Variants in ANO10 observed in about 807,000 individuals in gnomAD.
ANO10 encodes the protein anoctamin-10.
A neutral mutation model predicts 74.7 loss-of-function variants in ANO10; 77 were observed. That is an observed-to-expected ratio of 1.03 (90% CI 0.86 to 1.25). The LOEUF (loss-of-function observed/expected upper bound fraction) is 1.25, where lower values mean the gene tolerates loss of function less well. Among genes scored for constraint, ANO10 ranks in the 50% most tolerant of loss-of-function variants. The pLI is 0.00. For missense variants in ANO10, 721 were observed against 778.1 expected, an observed-to-expected ratio of 0.93 and a Z score of 0.87; for synonymous variants, 279 against 284.9, an observed-to-expected ratio of 0.98 and a Z score of 0.21.
chr3:43,613,672 AT>A (rs1479166690), intron 1 of ANO10, among the ~76,000 whole-genome samples: 4 of 152,308 alleles, frequency 2.6e-5, no homozygotes, highest in African/African-American at 7.2e-5. Context: ...ATTTTTCATA[AT>A]AAAAAGCTGG....
intron 12 of ANO10, chr3:43,372,938 A>G: frequency 1.6e-6 from 2 of 1,258,572 alleles, no homozygotes; most frequent in East Asian, 5.1e-5. Context: ...CATGCGTATG[A>G]AAGAGAAAAG....
chr3:43,595,881 A>G (rs1276528018), intron 4 of ANO10, among the ~76,000 whole-genome samples: 2 of 152,170 alleles, frequency 1.3e-5, no homozygotes, highest in Admixed American at 1.3e-4. Flanking sequence ...TCAGCCAAAA[A>G]TCTCCTTAAG....
chr3:43,656,161 G>A (rs1015973837), intron 1 of ANO10, among the ~76,000 whole-genome samples: 3 of 150,550 alleles, frequency 2.0e-5, no homozygotes, highest in Non-Finnish European at 4.4e-5. Flanking sequence ...AGACATAAAG[G>A]TTCTTCACCT....
At position 43,590,926 on chromosome 3, in the gene ANO10, C is replaced by T. The variant is rs144737306; in HGVS notation, c.472+7606G>A. 9.4e-3 allele frequency among the ~76,000 whole-genome samples: 1,427 copies of T among 152,260 alleles called. 20 individuals carry two copies. The highest frequency in any genetic ancestry group is 0.031 in the African/African-American group (1,301 of 41,542). On this transcript the variant is annotated intron_variant, in intron 4 of 12. Coordinates refer to ENST00000292246, the MANE Select transcript of ANO10 (RefSeq NM_018075.5). ...CTTGTAACTCAACTCACACCCAACCCATCAGTTAGTAAAGAGGGCTCACTA... is the reference window on the plus strand; with the variant it reads ...CTTGTAACTCAACTCACACCCAACCTATCAGTTAGTAAAGAGGGCTCACTA...
chr3:43,666,935 C>T (rs1383672183), intron 1 of ANO10, among the ~76,000 whole-genome samples: 1 of 151,950 alleles, frequency 6.6e-6, no homozygotes, highest in East Asian at 1.9e-4. Flanking sequence ...CATGGTATAT[C>T]TTTCTCCATC....
chr3:43,579,302 T>TA (rs1362276675), intron 5 of ANO10, among the ~76,000 whole-genome samples: 1 of 152,202 alleles, frequency 6.6e-6, no homozygotes. Context: ...CCTCAAAAGA[T>TA]GTTTGGCCTG....
At chr3:43,487,128 C>A (rs1313769772) in intron 11 of ANO10, among the ~76,000 whole-genome samples, 1 of 148,900 alleles carries the variant, frequency 6.7e-6, no homozygotes, top group Admixed American at 6.7e-5. Flanking sequence ...GTATATTGAA[C>A]CAGCCTTGCA....
At chr3:43,507,949 A>G (rs952975321) in intron 11 of ANO10, among the ~76,000 whole-genome samples, 3 of 152,208 alleles carry the variant, frequency 2.0e-5, no homozygotes, top group Non-Finnish European at 2.9e-5. Flanking sequence ...TGTAAAAGGC[A>G]AGAGAAAAAT....
intron 1 of ANO10, among the ~76,000 whole-genome samples, chr3:43,682,794 A>T (rs868726731): frequency 1.3e-5 from 2 of 152,192 alleles, no homozygotes; most frequent in African/African-American, 2.4e-5. Flanking sequence ...ATCAATAAAC[A>T]TAATCCAGCA....
At chr3:43,449,917 T>C (rs950809289) in intron 11 of ANO10, among the ~76,000 whole-genome samples, 4 of 152,230 alleles carry the variant, frequency 2.6e-5, no homozygotes, top group Non-Finnish European at 4.4e-5. Flanking sequence ...TCCATAAACA[T>C]GGGATATCTC....
At chr3:43,396,113 T>G (rs1372147985) in intron 12 of ANO10, among the ~76,000 whole-genome samples, 2 of 152,032 alleles carry the variant, frequency 1.3e-5, no homozygotes, top group African/African-American at 2.4e-5. Flanking sequence ...GCCAGAACAT[T>G]CGGCATAATG....
intron 1 of ANO10, chr3:43,691,305 G>C (rs937891580): frequency 3.0e-6 from 1 of 337,640 alleles, no homozygotes; most frequent in South Asian, 1.4e-4. Context: ...GACCCCGCGC[G>C]GAGGGTCCGC....
chr3:43,446,511 C>T (rs1057458443), intron 11 of ANO10, among the ~76,000 whole-genome samples: 6 of 151,900 alleles, frequency 3.9e-5, no homozygotes, highest in African/African-American at 7.3e-5. Flanking sequence ...TTCTGTTCTC[C>T]GCTGATATAT....
At chr3:43,596,914 C>G (rs1374769943) in intron 4 of ANO10, among the ~76,000 whole-genome samples, 48 of 152,234 alleles carry the variant, frequency 3.2e-4, no homozygotes, top group Non-Finnish European at 1.2e-4. Flanking sequence ...AACAAATTTA[C>G]AAGAAAAAAT....
chr3:43,398,943 C>T (rs2092431178), intron 12 of ANO10, among the ~76,000 whole-genome samples: 1 of 152,202 alleles, frequency 6.6e-6, no homozygotes, highest in South Asian at 2.1e-4. Context: ...ATCCTCCCAC[C>T]TCAGTCTCCC....
At chr3:43,603,877 T>C (rs2082440993) in intron 2 of ANO10, among the ~76,000 whole-genome samples, 2 of 152,172 alleles carry the variant, frequency 1.3e-5, no homozygotes, top group Admixed American at 1.3e-4. Context: ...TTGTTGTTAA[T>C]ATTTTGGAAA....
intron 9 of ANO10, among the ~76,000 whole-genome samples, chr3:43,556,129 T>C (rs555085327): frequency 1.3e-5 from 2 of 152,320 alleles, no homozygotes; most frequent in East Asian, 3.9e-4. Context: ...TAGTTATGGT[T>C]CTTAAATATA....
chr3:43,499,317 T>C (rs796905300), intron 11 of ANO10, among the ~76,000 whole-genome samples: 4 of 152,270 alleles, frequency 2.6e-5, no homozygotes, highest in African/African-American at 9.6e-5. Flanking sequence ...TCCACAGCCA[T>C]GTACAGTCAA....
chr3:43,452,176 C>T (rs1428725059), intron 11 of ANO10, among the ~76,000 whole-genome samples: 2 of 151,920 alleles, frequency 1.3e-5, no homozygotes, highest in African/African-American at 4.8e-5. Flanking sequence ...TTAAAAAAAC[C>T]AACAACACTT....
Sources: gnomAD v4.1 joint callset for allele counts (sites outside exome capture counted in the v4.1 genomes callset) on GRCh38, gnomAD v4.1.1 for gene constraint, MANE v1.5 for transcripts, NCBI Gene and HGNC (gene_info 2026-07-23, HGNC 2026-07-21) for gene names.